The following RFC2 variants were observed in gnomAD, a reference collection of about 807,000 sequenced individuals.
RFC2 encodes replication factor C subunit 2.
Under a neutral mutation model 44.8 loss-of-function variants are expected in RFC2, and 34 were observed. That is an observed-to-expected ratio of 0.76 (90% confidence interval 0.58 to 1.01). The LOEUF (loss-of-function observed/expected upper bound fraction) is 1.01. Ranked by LOEUF, RFC2 falls within the 50% of genes least tolerant of loss-of-function variation. RFC2 has a pLI of 0.00. For synonymous variants in RFC2, 177 were observed against 168.9 expected (o/e 1.05, Z -0.37); for missense variants, 400 against 453.6 (o/e 0.88, Z 1.07).
chr7:74,232,026 G>T lies in RFC2; in HGVS notation c.*80C>A. On this transcript the variant is annotated 3_prime_UTR_variant, in exon 11 of 11. Coordinates refer to ENST00000055077, the MANE Select transcript of RFC2 (RefSeq NM_181471.3). ...AGTCATGTTGGCTCCAGCCTAAGGC[G>T]GCATTTTCCCCCATCAGAAAGCCGC... The T allele has an allele frequency of 3.6e-6, 3 of 838,816 alleles. No homozygotes were observed. Among genetic ancestry groups the T allele is most frequent in the Non-Finnish European group, 4.0e-6 (2 of 494,268 alleles). 52.0% of individuals were successfully genotyped at this position (838,816 alleles called of 1,614,324 possible). A position where few individuals can be genotyped will look rare whatever the true frequency, so the allele number is the denominator to read the frequency against.
In RFC2 at chr7:74,254,258, C is replaced by T; in HGVS notation, c.113+13G>A. Reference sequence around the variant, plus strand: ...GTCCAAACGCGCCCATTCTTTACGGCCTGGGACCTCACCACGGCAGTTCGT... The same window carrying T: ...GTCCAAACGCGCCCATTCTTTACGGTCTGGGACCTCACCACGGCAGTTCGT... On this transcript the variant is annotated intron_variant, in intron 1 of 10. Transcript: ENST00000055077. 6.3e-7 allele frequency: 1 copy of T among 1,597,172 alleles called. No individual in the cohort carries two copies. The highest frequency in any genetic ancestry group is 8.6e-7 in the Non-Finnish European group (1 of 1,165,640).
intron 4 of RFC2, among the ~76,000 whole-genome samples, chr7:74,248,334 G>A (rs942614271): frequency 3.3e-5 from 5 of 151,446 alleles, no homozygotes; most frequent in African/African-American, 7.3e-5. Context: ...GTGAGATCCC[G>A]TCTCCACAAG....
At chr7:74,246,012 T>C (rs113752327) in intron 5 of RFC2, among the ~76,000 whole-genome samples, 10,776 of 151,238 alleles carry the variant, frequency 0.071, 1,241 homozygotes, top group African/African-American at 0.24. Flanking sequence ...CTGGCTAACA[T>C]GGTGAAACCC....
intron 6 of RFC2, among the ~76,000 whole-genome samples, chr7:74,241,788 C>G (rs1265052665): frequency 3.3e-5 from 5 of 152,092 alleles, no homozygotes; most frequent in Non-Finnish European, 7.4e-5. Context: ...GGTGAAACCT[C>G]GTCTCTAAGA....
chr7:74,252,179 G>A (rs1313901378), intron 2 of RFC2, among the ~76,000 whole-genome samples: 17 of 150,504 alleles, frequency 1.1e-4, no homozygotes, highest in South Asian at 2.1e-4. Flanking sequence ...AGGCCGAGGC[G>A]GGAGGATCAT....
At chr7:74,233,619 A>G (rs1802849967) in intron 10 of RFC2, among the ~76,000 whole-genome samples, 1 of 139,190 alleles carries the variant, frequency 7.2e-6, no homozygotes, top group African/African-American at 2.7e-5. Context: ...TTTTTTTTTA[A>G]GATGGAGTCT....
chr7:74,246,665 T>C lies in RFC2; in HGVS notation c.431A>G (p.Asp144Gly). 6.3e-7 allele frequency: 1 copy of C among 1,596,426 alleles called. No homozygotes were observed. Among genetic ancestry groups the C allele is most frequent in the Non-Finnish European group, 8.6e-7 (1 of 1,165,764 alleles). The change falls in exon 5 of 11, where the codon GAC (aspartate) becomes GGC (glycine). Residue 144 changes from aspartate (D) to glycine (G), a missense_variant. Asp to Gly is a moderately conservative substitution (Grantham distance 94). Coordinates refer to ENST00000055077, the MANE Select transcript of RFC2 (RefSeq NM_181471.3). ...TACATTTGGCAAAGCACTCTACCTGTCTGCTTCATCCAGAATGATGATCTT... is the reference window on the plus strand; with the variant it reads ...TACATTTGGCAAAGCACTCTACCTGCCTGCTTCATCCAGAATGATGATCTT... Reference protein sequence around the residue: ...RHKIIILDEADSMTDGAQQAL... With the variant: ...RHKIIILDEAGSMTDGAQQAL...
chr7:74,250,790 A>G (rs1474161111), intron 2 of RFC2, among the ~76,000 whole-genome samples: 1 of 151,920 alleles, frequency 6.6e-6, no homozygotes, highest in African/African-American at 2.4e-5. Flanking sequence ...ACACCTATTA[A>G]AACATTTTTT....
chr7:74,234,333 A>G (rs1554717844), intron 10 of RFC2, among the ~76,000 whole-genome samples: 3 of 152,148 alleles, frequency 2.0e-5, no homozygotes, highest in Non-Finnish European at 4.4e-5. Context: ...AAAGGGACAC[A>G]TGAGTTGTTC....
At chr7:74,243,295 C>T (rs1042801182) in intron 5 of RFC2, 49 bp from the exon 6 acceptor site, 1 of 1,273,888 alleles carries the variant, frequency 7.8e-7, no homozygotes, top group East Asian at 2.3e-5. Context: ...GACCATGTGA[C>T]ACAAATCGTT....
At chr7:74,246,529 A>C in intron 5 of RFC2, 133 bp downstream of exon 5, 1 of 545,638 alleles carries the variant, frequency 1.8e-6, no homozygotes, top group South Asian at 2.4e-5. Flanking sequence ...TTTAAGGTGC[A>C]GGCCCCTATT....
chr7:74,237,388 TCA>T lies in RFC2; in HGVS notation c.812_813del (p.Val271GlufsTer5). 1.2e-6 allele frequency: 2 copies of T among 1,606,134 alleles called. No individual in the cohort carries two copies. The highest frequency in any genetic ancestry group is 1.7e-6 in the Non-Finnish European group (2 of 1,176,862). On this transcript the variant is annotated frameshift_variant, in exon 9 of 11. Transcript: ENST00000055077. LOFTEE classifies it high-confidence loss of function. The part of the protein sequence containing the change: ...LLVKEMIQHC[V>X]NANIDEAYKI... ...TTGTAGGCTTCGTCAATGTTGGCATTCACACAGTGCTGGATCATCTCCTTTAC... is the reference window on the plus strand; with the variant it reads ...TTGTAGGCTTCGTCAATGTTGGCATTCACAGTGCTGGATCATCTCCTTTAC...
At chr7:74,241,726 G>A (rs912875212) in intron 6 of RFC2, among the ~76,000 whole-genome samples, 1 of 152,210 alleles carries the variant, frequency 6.6e-6, no homozygotes, top group African/African-American at 2.4e-5. Context: ...TTGCGAGGCC[G>A]AGGTGGGCAG....
At chr7:74,246,998 C>T (rs1803655287) in intron 4 of RFC2, among the ~76,000 whole-genome samples, 1 of 137,784 alleles carries the variant, frequency 7.3e-6, no homozygotes, top group African/African-American at 2.9e-5. Context: ...TTTCTTCAGA[C>T]AGGGTCTCGC....
rs1554719525 is a variant in RFC2 at position 74,243,284 on chromosome 7, A to T, written c.435-38T>A. On this transcript the variant is annotated intron_variant, in intron 5 of 10. Coordinates refer to ENST00000055077, the MANE Select transcript of RFC2 (RefSeq NM_181471.3). ...ACACAAGTTTGCAAGTGGGACCCAGAGACCATGTGACACAAATCGTTCCCT... is the reference window on the plus strand; with the variant it reads ...ACACAAGTTTGCAAGTGGGACCCAGTGACCATGTGACACAAATCGTTCCCT... 6.5e-6 allele frequency: 9 copies of T among 1,381,148 alleles called. No individual in the cohort carries two copies. The Middle Eastern group carries it at 1.4e-3, about 218-fold the overall frequency. 85.6% of individuals were successfully genotyped at this position (1,381,148 alleles called of 1,614,324 possible).
At chr7:74,250,459 T>C (rs1394071307) in intron 2 of RFC2, among the ~76,000 whole-genome samples, 1 of 152,028 alleles carries the variant, frequency 6.6e-6, no homozygotes, top group African/African-American at 2.4e-5. Context: ...TCTTCAAAAC[T>C]GAACACTTCA....
intron 6 of RFC2, among the ~76,000 whole-genome samples, chr7:74,240,502 CAAAAAAAAA>C (rs1216974808): frequency 2.7e-5 from 2 of 73,376 alleles, no homozygotes; most frequent in African/African-American, 8.5e-5. Flanking sequence ...GCTGTGTCTC[CAAAAAAAAA>C]AAAAAAAAAA....
At chr7:74,233,595 GTTTTTTTTTTT>G (rs79258549) in intron 10 of RFC2, among the ~76,000 whole-genome samples, 1 of 124,430 alleles carries the variant, frequency 8.0e-6, no homozygotes, top group South Asian at 2.7e-4. Context: ...GTTGTTATTG[GTTTTTTTTTTT>G]TTTTTTTTTT....
chr7:74,249,081 C>A lies in RFC2; in HGVS notation c.263G>T (p.Cys88Phe), dbSNP rs1803785123. 1 of 1,614,036 alleles carries A rather than the reference C, an allele frequency of 6.2e-7. No individual in the cohort carries two copies. Among genetic ancestry groups the A allele is most frequent in the South Asian group, 1.1e-5 (1 of 91,094 alleles). ...TGGGCCCAGCAGGGCCCGGGCCAAG[C>A]ACAGAATGCTTGTGGTCTTGCCGGT... ...PGTGKTTSIL[C>F]LARALLGPAL... The change falls in exon 4 of 11, where the codon TGC (cysteine) becomes TTC (phenylalanine). Residue 88 changes from cysteine (C) to phenylalanine (F), a missense_variant. Physicochemically the swap from Cys to Phe is radical, Grantham distance 205 (BLOSUM62 -2). Transcript: ENST00000055077.
Sources: allele counts gnomAD v4.1 joint callset (sites outside exome capture counted in the v4.1 genomes callset), GRCh38; gene constraint gnomAD v4.1.1; transcripts MANE v1.5; gene names NCBI Gene and HGNC (gene_info 2026-07-23, HGNC 2026-07-21).